Variants in EML5 observed in about 807,000 individuals in gnomAD.
EML5 encodes echinoderm microtubule-associated protein-like 5.
In EML5, 120 loss-of-function variants were observed where a neutral mutation model predicts 250.0. That is an observed-to-expected ratio of 0.48 (90% CI 0.41 to 0.56). The LOEUF is 0.56. Among genes scored for constraint, EML5 ranks in the 20% least tolerant of loss-of-function variants. The probability of loss-of-function intolerance (pLI) is 0.00; values close to 1 mark genes in which losing one functional copy is unlikely to be tolerated. For missense variants in EML5, 2,006 were observed against 2,437.6 expected, an observed-to-expected ratio of 0.82 and a Z score of 3.73; for synonymous variants, 771 against 806.5, an observed-to-expected ratio of 0.96 and a Z score of 0.75.
intron 4 of EML5, 123 bp from the exon 5 acceptor site, chr14:88,740,695 G>T: frequency 1.2e-6 from 1 of 802,534 alleles, no homozygotes; most frequent in Non-Finnish European, 1.9e-6. Context: ...ATTGCCTTAT[G>T]ATAAAATAGC....
rs541844851 is a variant in EML5 at position 88,620,571 on chromosome 14, G to T, written c.5375+183C>A. On this transcript the variant is annotated intron_variant, in intron 39 of 43. Coordinates refer to ENST00000554922, the MANE Select transcript of EML5 (RefSeq NM_183387.3). The surrounding 1 kb of genome is among the most constrained non-coding windows in gnomAD (Gnocchi z 4.3). Reference sequence around the variant, plus strand: ...TGCTATTATAGTTGGTGCCCAGTGGGTTTATAATTTAGCAAGAAGAATTAA... The same window carrying T: ...TGCTATTATAGTTGGTGCCCAGTGGTTTTATAATTTAGCAAGAAGAATTAA... The T allele has an allele frequency of 1.2e-3, 594 of 488,434 alleles. 9 individuals are homozygous for T. The East Asian group carries it at 0.019, about 15-fold the overall frequency. 30.3% of individuals were successfully genotyped at this position (488,434 alleles called of 1,614,324 possible).
At position 88,613,152 on chromosome 14, in the gene EML5, G is replaced by A. The variant is rs1004718576; in HGVS notation, c.*2666C>T. 2.6e-5 allele frequency: 4 copies of A among 152,170 alleles called. No homozygotes were observed. Among genetic ancestry groups the A allele is most frequent in the Non-Finnish European group, 5.9e-5 (4 of 68,046 alleles). The allele number at this position is 152,170 out of a possible 1,614,324, so 9.4% of individuals were successfully genotyped here. On this transcript the variant is annotated 3_prime_UTR_variant, in exon 44 of 44. Transcript: ENST00000554922. Reference sequence around the variant, plus strand: ...AACCAGTCATTAAACCATTTGGTAAGTTGCACTTTGCTGTGCTGATCCCAC... The same window carrying A: ...AACCAGTCATTAAACCATTTGGTAAATTGCACTTTGCTGTGCTGATCCCAC...
chr14:88,695,535 C>G, intron 15 of EML5, 81 bp from the exon 16 acceptor site: 1 of 1,247,230 alleles, frequency 8.0e-7, no homozygotes, highest in Non-Finnish European at 1.1e-6. Flanking sequence ...TCTAAACCCA[C>G]ATCCTATATT....
chr14:88,730,387 T>G (rs1326083747), intron 7 of EML5, among the ~76,000 whole-genome samples: 4 of 152,146 alleles, frequency 2.6e-5, no homozygotes, highest in Non-Finnish European at 5.9e-5. Context: ...AGTTTCTGAG[T>G]GGTTGATTTG....
chr14:88,686,179 T>A lies in EML5; in HGVS notation c.2854+1037A>T, dbSNP rs2092827633. ...TGATATTTGAAAAATAAGTATGTTGTCAAGTAACTGGAGGGGGCAGGAAGG... is the reference window on the plus strand; with the variant it reads ...TGATATTTGAAAAATAAGTATGTTGACAAGTAACTGGAGGGGGCAGGAAGG... On this transcript the variant is annotated intron_variant, in intron 19 of 43. Coordinates refer to ENST00000554922, the MANE Select transcript of EML5 (RefSeq NM_183387.3). Among the ~76,000 whole-genome samples, 3 of 152,058 alleles carry A rather than the reference T, an allele frequency of 2.0e-5. No individual in the cohort carries two copies. In the South Asian group the frequency reaches 6.2e-4, roughly 32 times the overall value.
intron 2 of EML5, among the ~76,000 whole-genome samples, chr14:88,751,401 G>A (rs2094092057): frequency 6.6e-6 from 1 of 152,190 alleles, no homozygotes; most frequent in Non-Finnish European, 1.5e-5. Flanking sequence ...AGATCATGGT[G>A]CTTTCAAGAG....
At chr14:88,645,459 T>C (rs957964382) in intron 29 of EML5, among the ~76,000 whole-genome samples, 2 of 152,266 alleles carry the variant, frequency 1.3e-5, no homozygotes, top group African/African-American at 4.8e-5. Flanking sequence ...CAACAAAGCC[T>C]GGATTACTGT....
chr14:88,688,755 ATTTAAGAATACAAAAAGGCAT>A (rs1326984121), intron 17 of EML5, among the ~76,000 whole-genome samples: 4 of 152,326 alleles, frequency 2.6e-5, no homozygotes, highest in African/African-American at 9.6e-5. Context: ...ATTATGACAT[ATTTAAGAATACAAAAAGGCAT>A]TTAAAAACCC....
intron 1 of EML5, among the ~76,000 whole-genome samples, chr14:88,769,541 T>C (rs1296275676): frequency 6.6e-6 from 1 of 152,128 alleles, no homozygotes; most frequent in African/African-American, 2.4e-5. Flanking sequence ...AAAGACAATA[T>C]CTAAAAGGGC....
chr14:88,787,084 A>G (rs777304248), intron 1 of EML5, among the ~76,000 whole-genome samples: 5 of 152,206 alleles, frequency 3.3e-5, no homozygotes, highest in Non-Finnish European at 7.3e-5. Context: ...CTCTCATAAC[A>G]CAAAACCACT....
At chr14:88,739,295 T>C (rs1273399406) in intron 5 of EML5, among the ~76,000 whole-genome samples, 1 of 152,094 alleles carries the variant, frequency 6.6e-6, no homozygotes, top group Non-Finnish European at 1.5e-5. Context: ...GAAACCCAGA[T>C]CAAAATACAA....
rs878923721 is a variant in EML5 at position 88,627,102 on chromosome 14, G to A, written c.4532-56C>T. The A allele has an allele frequency of 1.9e-6, 3 of 1,552,804 alleles. No individual in the cohort carries two copies. The South Asian group carries it at 3.4e-5, about 17-fold the overall frequency. On this transcript the variant is annotated intron_variant, in intron 34 of 43. Transcript: ENST00000554922. ...ATTACAAGAACCAAGCTAATCAACA[G>A]CATCAAACAAATATGTAAAATACAT...
chr14:88,651,154 C>CTTTTTT (rs869045980), intron 27 of EML5, among the ~76,000 whole-genome samples: 318 of 92,494 alleles, frequency 3.4e-3, no homozygotes, highest in Non-Finnish European at 4.7e-3. Context: ...TTGTCATTTT[C>CTTTTTT]TTTTTTTTTT....
At chr14:88,764,011 T>A (rs1217627896) in intron 1 of EML5, among the ~76,000 whole-genome samples, 1 of 152,238 alleles carries the variant, frequency 6.6e-6, no homozygotes, top group Non-Finnish European at 1.5e-5. Context: ...CTGGCTTTTC[T>A]TCTTTAGCAA....
chr14:88,670,106 G>T (rs1357896029), intron 21 of EML5, among the ~76,000 whole-genome samples: 1 of 151,876 alleles, frequency 6.6e-6, no homozygotes, highest in Non-Finnish European at 1.5e-5. Flanking sequence ...CATGTGGTCA[G>T]GGGTTCAAGA....
intron 33 of EML5, 85 bp downstream of exon 33, chr14:88,634,384 G>T: frequency 2.3e-6 from 2 of 870,362 alleles, no homozygotes; most frequent in Non-Finnish European, 3.4e-6. Flanking sequence ...TGCAAGAACG[G>T]ACTAATATAC....
chr14:88,662,703 C>A (rs935338980), intron 24 of EML5, among the ~76,000 whole-genome samples: 3 of 151,878 alleles, frequency 2.0e-5, no homozygotes, highest in African/African-American at 7.3e-5. Flanking sequence ...CCACCATGCC[C>A]AGCTAATTTT....
At position 88,649,928 on chromosome 14, in the gene EML5, T is replaced by G; in HGVS notation, c.4005-2A>C. On this transcript the variant is annotated splice_acceptor_variant, in intron 27 of 43. Coordinates refer to ENST00000554922, the MANE Select transcript of EML5 (RefSeq NM_183387.3). LOFTEE classifies it high-confidence loss of function. The stretch of plus-strand genomic sequence containing the variant: ...AACACTTACCTTACTACTCCCTGCC[T>G]TCAAAAGGAGCAAGGGGGAAAAAAG... The G allele has an allele frequency of 6.7e-7, 1 of 1,486,874 alleles. No individual in the cohort carries two copies. The highest frequency in any genetic ancestry group is 8.9e-7 in the Non-Finnish European group (1 of 1,118,784). The allele number at this position is 1,486,874 out of a possible 1,614,324, so 92.1% of individuals were successfully genotyped here.
intron 19 of EML5, among the ~76,000 whole-genome samples, chr14:88,686,522 CA>C (rs898831770): frequency 5.4e-4 from 76 of 141,806 alleles, no homozygotes; most frequent in Middle Eastern, 3.7e-3. Flanking sequence ...TCCTCCTCTT[CA>C]AAAAAAAAAA....
Sources: gnomAD v4.1 joint callset for allele counts (sites outside exome capture counted in the v4.1 genomes callset) on GRCh38, gnomAD v4.1.1 for gene constraint, Gnocchi (gnomAD v3.1) non-coding constraint, MANE v1.5 for transcripts, NCBI Gene and HGNC (gene_info 2026-07-23, HGNC 2026-07-21) for gene names.